Variants in PLCE1 observed in about 807,000 individuals in gnomAD.
PLCE1 encodes the protein phospholipase C epsilon 1.
In PLCE1, 119 loss-of-function variants were observed where a neutral mutation model predicts 242.8. The ratio of observed to expected loss-of-function variants is 0.49; its 90% confidence interval spans 0.42 to 0.57. The LOEUF (loss-of-function observed/expected upper bound fraction) is 0.57, where lower values mean the gene tolerates loss of function less well. Among genes scored for constraint, PLCE1 ranks in the 20% least tolerant of loss-of-function variants. The pLI, the probability that PLCE1 is intolerant of heterozygous loss-of-function variation, is 0.00. For missense variants in PLCE1, 2,441 were observed against 2,788.8 expected (o/e 0.88, Z 2.81); for synonymous variants, 945 against 1,017.4 (o/e 0.93, Z 1.35).
intron 4 of PLCE1, among the ~76,000 whole-genome samples, chr10:94,215,681 G>A (rs1371035752): frequency 6.6e-6 from 1 of 152,172 alleles, no homozygotes; most frequent in Non-Finnish European, 1.5e-5. Flanking sequence ...TTTGGAGCCA[G>A]CAGCAGAGAG....
chr10:94,018,972 T>C (rs1266108568), intron 1 of PLCE1, among the ~76,000 whole-genome samples: 1 of 152,192 alleles, frequency 6.6e-6, no homozygotes, highest in African/African-American at 2.4e-5. Flanking sequence ...TTAAAAGAAA[T>C]AGACATAGTC....
At position 94,316,789 on chromosome 10, in the gene PLCE1, C is replaced by T. The variant is rs772103944; in HGVS notation, c.6342+33C>T. On this transcript the variant is annotated intron_variant, in intron 29 of 32. Transcript: ENST00000371380. ...TGTCTGGGTGCAGCCTACACAGTAACGACTCATTATGTGATTAGCCATTTA... is the reference window on the plus strand; with the variant it reads ...TGTCTGGGTGCAGCCTACACAGTAATGACTCATTATGTGATTAGCCATTTA... 4.2e-5 allele frequency: 62 copies of T among 1,487,466 alleles called. No individual in the cohort carries two copies. In the Middle Eastern group the frequency reaches 8.5e-4, roughly 20 times the overall value. 92.1% of individuals were successfully genotyped at this position (1,487,466 alleles called of 1,614,324 possible). A position where few individuals can be genotyped will look rare whatever the true frequency, so the allele number is the denominator to read the frequency against.
At chr10:94,236,230 C>A in intron 7 of PLCE1, 110 bp downstream of exon 7, 2 of 807,248 alleles carry the variant, frequency 2.5e-6, no homozygotes, top group Non-Finnish European at 4.2e-6. Flanking sequence ...CAAAACCTGC[C>A]ACTTTTATCA....
In PLCE1 at chr10:94,313,364, A is replaced by G. The variant is rs2053450825; in HGVS notation, c.6114A>G (p.Ala2038=). 6.2e-7 allele frequency: 1 copy of G among 1,614,220 alleles called. No individual in the cohort carries two copies. Residue 2038 remains alanine (A), a synonymous_variant, in exon 28 of 33, where the codon GCA becomes GCG. Coordinates refer to ENST00000371380, the MANE Select transcript of PLCE1 (RefSeq NM_016341.4). Reference sequence around the variant, plus strand: ...TCACTATTAATGGAGGCACCAAGGCAAAGCAGCTTCTGCAGCAAGTAAGTC... The same window carrying G: ...TCACTATTAATGGAGGCACCAAGGCGAAGCAGCTTCTGCAGCAAGTAAGTC... ...TVFTINGGTK[A]KQLLQQILTN...
intron 2 of PLCE1, among the ~76,000 whole-genome samples, chr10:94,067,930 A>G (rs1189091394): frequency 1.3e-5 from 2 of 152,136 alleles, no homozygotes; most frequent in African/African-American, 4.8e-5. Context: ...GGGAACATGC[A>G]AACAGAAGTT....
chr10:94,031,604 AT>A lies in PLCE1; in HGVS notation c.561del (p.His188IlefsTer21), dbSNP rs749332974. On this transcript the variant is annotated frameshift_variant, in exon 2 of 33. Coordinates refer to ENST00000371380, the MANE Select transcript of PLCE1 (RefSeq NM_016341.4). LOFTEE classifies it high-confidence loss of function. The stretch of plus-strand genomic sequence containing the variant: ...CACACCCTGACAGCAGAAGGGCAGT[AT>A]TTCATTTTCATTATGAAGTTGACAG... ...RAHPDSRRAV[F>X]HFHYEVDRRM... is the part of the protein sequence containing the mutation. 1 of 1,613,252 alleles carries A rather than the reference AT, an allele frequency of 6.2e-7. No homozygotes were observed. The highest frequency in any genetic ancestry group is 1.7e-5 in the Admixed American group (1 of 59,978).
intron 2 of PLCE1, among the ~76,000 whole-genome samples, chr10:94,073,812 C>T (rs2044427432): frequency 6.6e-6 from 1 of 152,206 alleles, no homozygotes; most frequent in South Asian, 2.1e-4. Flanking sequence ...GGGAAGAAGG[C>T]TTTAATCGGT....
intron 1 of PLCE1, among the ~76,000 whole-genome samples, chr10:94,014,757 C>T (rs759432827): frequency 6.6e-5 from 10 of 152,194 alleles, no homozygotes; most frequent in Non-Finnish European, 8.8e-5. Flanking sequence ...TTTAGGTATA[C>T]GCTGAAGACA....
At chr10:93,995,342 T>G (rs1222111023) in intron 1 of PLCE1, among the ~76,000 whole-genome samples, 1 of 152,220 alleles carries the variant, frequency 6.6e-6, no homozygotes. Flanking sequence ...CACTCTAAAG[T>G]CTAACCATCC....
chr10:94,076,132 CGTGTGTGTGTGT>C (rs747481933), intron 2 of PLCE1, among the ~76,000 whole-genome samples: 1 of 147,030 alleles, frequency 6.8e-6, no homozygotes. Flanking sequence ...TGTGTGCGTG[CGTGTGTGTGTGT>C]GTGTGTGTGT....
intron 7 of PLCE1, among the ~76,000 whole-genome samples, chr10:94,241,646 C>T (rs952406510): frequency 2.0e-5 from 3 of 152,002 alleles, no homozygotes; most frequent in Non-Finnish European, 4.4e-5. Context: ...AAAAATTAGC[C>T]GGGTGTGGTG....
intron 4 of PLCE1, among the ~76,000 whole-genome samples, chr10:94,220,868 G>A (rs1388675424): frequency 6.6e-6 from 1 of 152,176 alleles, no homozygotes; most frequent in Non-Finnish European, 1.5e-5. Context: ...CACAGGAAAC[G>A]GTGGGGCTGG....
At chr10:94,171,015 C>A (rs555315420) in intron 3 of PLCE1, among the ~76,000 whole-genome samples, 165 bp from the exon 4 acceptor site, 1 of 152,254 alleles carries the variant, frequency 6.6e-6, no homozygotes, top group African/African-American at 2.4e-5. Flanking sequence ...ACAAATAGGA[C>A]AGATATCAGA....
Position 94,246,012 on chromosome 10 carries a change from T to A in PLCE1, c.2487T>A (p.Ser829=), listed in dbSNP as rs2050665796. 6.2e-7 allele frequency: 1 copy of A among 1,614,072 alleles called. No individual in the cohort carries two copies. Among genetic ancestry groups the A allele is most frequent in the African/African-American group, 1.3e-5 (1 of 75,044 alleles). ...TTGAGCAATCCAAAGAATACGACTC[T>A]CATGGTTCAGAGGACTCACAGAAGG... ...DIFEQSKEYD[S]HGSEDSQKAF... Residue 829 remains serine, a synonymous_variant, in exon 8 of 33, where the codon TCT becomes TCA. Transcript: ENST00000371380.
At chr10:94,321,663 G>A (rs191646835) in intron 29 of PLCE1, among the ~76,000 whole-genome samples, 101 of 150,336 alleles carry the variant, frequency 6.7e-4, no homozygotes, top group Admixed American at 1.7e-3. Flanking sequence ...GCTAATAGGA[G>A]CAGATAAATT....
At chr10:94,017,893 A>C (rs1320301972) in intron 1 of PLCE1, among the ~76,000 whole-genome samples, 1 of 152,164 alleles carries the variant, frequency 6.6e-6, no homozygotes, top group African/African-American at 2.4e-5. Flanking sequence ...AGCCTGAAGA[A>C]AAGAGTTGCA....
intron 2 of PLCE1, among the ~76,000 whole-genome samples, chr10:94,071,290 G>GAAGCTATT (rs2044344288): frequency 1.3e-5 from 2 of 152,066 alleles, no homozygotes; most frequent in Non-Finnish European, 2.9e-5. Context: ...CAAACCAGAG[G>GAAGCTATT]CATCACTGAA....
intron 32 of PLCE1, among the ~76,000 whole-genome samples, chr10:94,327,762 A>G (rs1405994380): frequency 1.3e-5 from 2 of 152,190 alleles, no homozygotes; most frequent in Non-Finnish European, 2.9e-5. Flanking sequence ...AGAATGTGAA[A>G]TATTTATTTC....
intron 2 of PLCE1, among the ~76,000 whole-genome samples, chr10:94,077,561 A>G (rs2044540998): frequency 6.6e-6 from 1 of 152,108 alleles, no homozygotes; most frequent in African/African-American, 2.4e-5. Flanking sequence ...GCAGTTTGAG[A>G]CCAGTCCAGG....
Sources: allele counts gnomAD v4.1 joint callset (sites outside exome capture counted in the v4.1 genomes callset), GRCh38; gene constraint gnomAD v4.1.1; transcripts MANE v1.5; gene names NCBI Gene and HGNC (gene_info 2026-07-23, HGNC 2026-07-21).